RNF8: variants seen among roughly 807,000 people sequenced by gnomAD.
The protein encoded by RNF8 is E3 ubiquitin-protein ligase RNF8.
RNF8 carries 8 observed loss-of-function variants against 59.3 expected under a neutral mutation model. The ratio of observed to expected loss-of-function variants is 0.13; its 90% CI spans 0.08 to 0.24. The LOEUF (loss-of-function observed/expected upper bound fraction) is 0.24. Ranked by LOEUF, RNF8 falls within the 10% of genes least tolerant of loss-of-function variation. The pLI, the probability that RNF8 is intolerant of heterozygous loss-of-function variation, is 1.00. For missense variants in RNF8, 406 were observed against 572.6 expected (o/e 0.71, Z 2.97); for synonymous variants, 162 against 200.0 (o/e 0.81, Z 1.60).
chr6:37,376,872 AT>A, intron 5 of RNF8, 53 bp from the exon 6 acceptor site: 1 of 1,159,124 alleles, frequency 8.6e-7, no homozygotes, highest in Non-Finnish European at 1.3e-6. Flanking sequence ...TCCCTGTCCC[AT>A]TTTGCATTTT....
chr6:37,359,636 C>T (rs1309876983), intron 1 of RNF8, among the ~76,000 whole-genome samples: 1 of 152,118 alleles, frequency 6.6e-6, no homozygotes, highest in African/African-American at 2.4e-5. Context: ...AGAGACAGGA[C>T]TTAGGATAGC....
chr6:37,374,870 G>T (rs1769945941), intron 5 of RNF8, among the ~76,000 whole-genome samples, 161 bp downstream of exon 5: 1 of 152,212 alleles, frequency 6.6e-6, no homozygotes, highest in Non-Finnish European at 1.5e-5. Context: ...AGCAGGTTCT[G>T]CCTGTCAGAC....
Position 37,394,635 on chromosome 6 carries a change from C to G in RNF8, c.*3877C>G, listed in dbSNP as rs544091668. ...CATCCAATTTCCAGAGCCACTATCT[C>G]TGCTGTCCACTTTCCTTCAGGCTCT... is the stretch of plus-strand genomic sequence containing the variant. On this transcript the variant is annotated 3_prime_UTR_variant, in exon 8 of 8. Transcript: ENST00000373479. 1.2e-4 allele frequency: 19 copies of G among 152,328 alleles called. No homozygotes were observed. The highest frequency in any genetic ancestry group is 4.6e-4 in the African/African-American group (19 of 41,568). The allele number at this position is 152,328 out of a possible 1,614,324, so 9.4% of individuals were successfully genotyped here. A position where few individuals can be genotyped will look rare whatever the true frequency, so the allele number is the denominator to read the frequency against.
chr6:37,381,499 G>A (rs979189716), intron 7 of RNF8, 145 bp downstream of exon 7: 4 of 706,306 alleles, frequency 5.7e-6, no homozygotes, highest in Admixed American at 5.6e-5. Flanking sequence ...AGTAAAGGGA[G>A]TTAAAGATAA....
intron 2 of RNF8, among the ~76,000 whole-genome samples, chr6:37,367,579 T>C (rs1581674885): frequency 6.6e-6 from 1 of 152,232 alleles, no homozygotes; most frequent in East Asian, 1.9e-4. Context: ...AATTTTTGTA[T>C]TTTTAGTAGA....
intron 5 of RNF8, 101 bp from the exon 6 acceptor site, chr6:37,376,825 A>T (rs748753283): frequency 1.1e-5 from 8 of 735,132 alleles, no homozygotes; most frequent in Non-Finnish European, 2.0e-5. Context: ...TGAATCACTC[A>T]TTAAGACTGA....
intron 7 of RNF8, among the ~76,000 whole-genome samples, chr6:37,386,955 T>C (rs149325420): frequency 1.4e-3 from 220 of 152,348 alleles, no homozygotes; most frequent in African/African-American, 4.0e-3. Flanking sequence ...TGTAATTTTA[T>C]CATTTTTCAT....
chr6:37,354,460 G>A (rs1769034501), intron 1 of RNF8, among the ~76,000 whole-genome samples, 185 bp downstream of exon 1: 1 of 151,934 alleles, frequency 6.6e-6, no homozygotes, highest in South Asian at 2.1e-4. Flanking sequence ...CGGTTCTGGC[G>A]CGAGCGGCTG....
In RNF8 at chr6:37,368,674, T is replaced by C; in HGVS notation, c.431T>C (p.Ile144Thr). ...CTTTCCCCAAAGAATGACCAAATGATAGAAAAAAATAAGGAATTGAGAACT... is the reference window on the plus strand; with the variant it reads ...CTTTCCCCAAAGAATGACCAAATGACAGAAAAAAATAAGGAATTGAGAACT... ...PCLSPKNDQMIEKNKELRTKR... is the reference protein window; with the variant it reads ...PCLSPKNDQMTEKNKELRTKR... The change falls in exon 3 of 8, where the codon ATA becomes ACA. Residue 144 changes from isoleucine (I) to threonine (T), a missense_variant. By Grantham distance (89) the Ile-to-Thr change is moderately conservative. Transcript: ENST00000373479. 1.9e-6 allele frequency: 3 copies of C among 1,613,428 alleles called. 1 individual carries two copies. Among genetic ancestry groups the C allele is most frequent in the Middle Eastern group, 3.3e-4 (2 of 6,062 alleles).
intron 1 of RNF8, among the ~76,000 whole-genome samples, chr6:37,355,176 G>A (rs1415566817): frequency 2.0e-5 from 3 of 152,206 alleles, no homozygotes; most frequent in African/African-American, 7.2e-5. Context: ...AGGGAAGGGA[G>A]GAGGGAGTTA....
Position 37,390,974 on chromosome 6 carries a change from C to A in RNF8, c.*216C>A. The A allele has an allele frequency of 2.9e-6, 2 of 690,334 alleles. No individual in the cohort carries two copies. Among genetic ancestry groups the A allele is most frequent in the Non-Finnish European group, 2.6e-6 (1 of 388,580 alleles). The allele number at this position is 690,334 out of a possible 1,614,324, so 42.8% of individuals were successfully genotyped here. ...GAAGCACCACCAGGATTCACGGCAC[C>A]CAACTGCTTCAGGGTACTTCGTAGA... On this transcript the variant is annotated 3_prime_UTR_variant, in exon 8 of 8. Coordinates refer to ENST00000373479, the MANE Select transcript of RNF8 (RefSeq NM_003958.4).
intron 7 of RNF8, among the ~76,000 whole-genome samples, chr6:37,386,719 GCAGCC>G (rs1770519317): frequency 6.6e-6 from 1 of 152,216 alleles, no homozygotes. Context: ...GCTGGAGGCT[GCAGCC>G]CAGCTATCAG....
chr6:37,377,296 C>T (rs528317211), intron 6 of RNF8, among the ~76,000 whole-genome samples: 87 of 152,062 alleles, frequency 5.7e-4, no homozygotes, highest in African/African-American at 1.9e-3. Context: ...AGGCTAGTCT[C>T]GAACTCCTGA....
intron 5 of RNF8, 121 bp downstream of exon 5, chr6:37,374,830 G>T: frequency 1.5e-6 from 1 of 664,076 alleles, no homozygotes; most frequent in South Asian, 2.0e-5. Context: ...TGCCTCTGGG[G>T]AGATAATCTA....
chr6:37,360,777 A>G lies in RNF8; in HGVS notation c.240+203A>G, dbSNP rs73423680. 0.043 allele frequency among the ~76,000 whole-genome samples: 6,478 copies of G among 152,212 alleles called. 338 individuals carry two copies. The highest frequency in any genetic ancestry group is 0.12 in the African/African-American group (5,053 of 41,492). On this transcript the variant is annotated intron_variant, in intron 2 of 7. Transcript: ENST00000373479. The surrounding 1 kb of genome is among the most constrained non-coding windows in gnomAD (Gnocchi z 4.2). ...AAAATAATTTCTCTTGATTTGGGTTAAAGTTTGTTAACTTGAAGAGAATAC... is the reference window on the plus strand; with the variant it reads ...AAAATAATTTCTCTTGATTTGGGTTGAAGTTTGTTAACTTGAAGAGAATAC...
At chr6:37,366,099 T>A (rs1426048876) in intron 2 of RNF8, among the ~76,000 whole-genome samples, 2 of 152,156 alleles carry the variant, frequency 1.3e-5, no homozygotes, top group Non-Finnish European at 2.9e-5. Context: ...ATCGTGAAAG[T>A]TTGCCCCAGC....
chr6:37,369,503 T>G (rs1481788488), intron 3 of RNF8, among the ~76,000 whole-genome samples: 1 of 152,222 alleles, frequency 6.6e-6, no homozygotes, highest in African/African-American at 2.4e-5. Flanking sequence ...GAGGCAAAGC[T>G]GAGGCAACTC....
chr6:37,370,434 A>G (rs964681157), intron 3 of RNF8, among the ~76,000 whole-genome samples: 10 of 152,186 alleles, frequency 6.6e-5, no homozygotes, highest in African/African-American at 1.9e-4. Context: ...TTCAGGAACA[A>G]GTTACTGTTG....
intron 7 of RNF8, 81 bp downstream of exon 7, chr6:37,381,435 AAG>A: frequency 1.6e-6 from 2 of 1,281,132 alleles, no homozygotes; most frequent in South Asian, 1.4e-5. Flanking sequence ...TGGAAAGAGA[AAG>A]AGTCAGATAA....
Sources: allele counts gnomAD v4.1 joint callset (sites outside exome capture counted in the v4.1 genomes callset), GRCh38; gene constraint gnomAD v4.1.1; non-coding constraint Gnocchi (gnomAD v3.1); transcripts MANE v1.5; gene names NCBI Gene and HGNC (gene_info 2026-07-23, HGNC 2026-07-21).